Variants in C1orf21 observed in about 807,000 individuals in gnomAD.
C1orf21 encodes the protein uncharacterized protein C1orf21.
In C1orf21, 3 loss-of-function variants were observed where a neutral mutation model predicts 18.7. That is an observed-to-expected ratio of 0.16 (90% CI 0.07 to 0.42). C1orf21 has a LOEUF of 0.42. C1orf21 is among the 10% of genes least tolerant of loss of function. C1orf21 has a pLI of 0.99. For missense variants in C1orf21, 104 were observed against 143.6 expected (o/e 0.72, Z 1.41); for synonymous variants, 41 against 46.4 (o/e 0.88, Z 0.47).
chr1:184,420,360 T>A (rs1443676936), intron 1 of C1orf21, among the ~76,000 whole-genome samples: 2 of 152,170 alleles, frequency 1.3e-5, no homozygotes, highest in East Asian at 3.8e-4. Flanking sequence ...ACGTAAGACA[T>A]GGGATTTCAT....
chr1:184,393,361 C>G (rs539348627), intron 1 of C1orf21, among the ~76,000 whole-genome samples: 1 of 152,262 alleles, frequency 6.6e-6, no homozygotes, highest in East Asian at 1.9e-4. Flanking sequence ...TCCTCCCACC[C>G]ACTTCTCTCC....
rs1659940059 is a variant in C1orf21 at position 184,622,504 on chromosome 1, T to C, written c.*2948T>C. On this transcript the variant is annotated 3_prime_UTR_variant, in exon 6 of 6. Transcript: ENST00000235307. ...GATCATGGAGTACTGCTCTCATAAT[T>C]GAAGACGTGTTTGTTATTGGCAGAG... 1 of 152,736 alleles carries C rather than the reference T, an allele frequency of 6.5e-6. No homozygotes were observed. The highest frequency in any genetic ancestry group is 2.1e-4 in the South Asian group (1 of 4,836). 9.5% of individuals were successfully genotyped at this position (152,736 alleles called of 1,614,324 possible).
At chr1:184,515,341 A>G (rs982792190) in intron 3 of C1orf21, among the ~76,000 whole-genome samples, 4 of 152,192 alleles carry the variant, frequency 2.6e-5, no homozygotes, top group African/African-American at 7.2e-5. Flanking sequence ...AAAGTCCAAT[A>G]TTGACTACTT....
intron 4 of C1orf21, among the ~76,000 whole-genome samples, chr1:184,596,438 C>A (rs1339572): frequency 0.41 from 62,106 of 151,898 alleles, 15,975 homozygotes; most frequent in African/African-American, 0.74. Flanking sequence ...AATGCTAAAA[C>A]CTCCAACCAG....
chr1:184,467,552 T>C (rs181317416), intron 1 of C1orf21, among the ~76,000 whole-genome samples: 1 of 152,324 alleles, frequency 6.6e-6, no homozygotes, highest in Non-Finnish European at 1.5e-5. Flanking sequence ...CATGTACTTC[T>C]GCTGCAGAAC....
intron 3 of C1orf21, among the ~76,000 whole-genome samples, chr1:184,564,382 C>G (rs901788715): frequency 3.3e-5 from 5 of 152,144 alleles, no homozygotes; most frequent in Non-Finnish European, 5.9e-5. Context: ...GATCTCAGCT[C>G]ACTGCAACCT....
chr1:184,400,414 G>A (rs1656131824), intron 1 of C1orf21, among the ~76,000 whole-genome samples: 1 of 152,092 alleles, frequency 6.6e-6, no homozygotes, highest in African/African-American at 2.4e-5. Flanking sequence ...TTGTATGTAT[G>A]TGTAGGTATG....
intron 3 of C1orf21, among the ~76,000 whole-genome samples, chr1:184,582,936 T>C (rs191687149): frequency 6.6e-6 from 1 of 152,184 alleles, no homozygotes; most frequent in Non-Finnish European, 1.5e-5. Flanking sequence ...TCTCCCGGTT[T>C]CAAGAGATTC....
At chr1:184,443,086 A>G (rs922246646) in intron 1 of C1orf21, among the ~76,000 whole-genome samples, 1 of 152,228 alleles carries the variant, frequency 6.6e-6, no homozygotes. Flanking sequence ...CAAAGCAGCT[A>G]AATAAAGAAT....
intron 3 of C1orf21, among the ~76,000 whole-genome samples, chr1:184,549,978 A>G (rs1219837315): frequency 1.3e-5 from 2 of 152,244 alleles, no homozygotes; most frequent in African/African-American, 4.8e-5. Flanking sequence ...ACAATATTCA[A>G]TAAATTACCT....
At chr1:184,409,694 C>T (rs934589875) in intron 1 of C1orf21, among the ~76,000 whole-genome samples, 9 of 152,054 alleles carry the variant, frequency 5.9e-5, no homozygotes, top group South Asian at 4.2e-4. Context: ...TGGACAAATA[C>T]GCACCAAATA....
intron 1 of C1orf21, among the ~76,000 whole-genome samples, chr1:184,392,602 T>A (rs1441416226): frequency 6.6e-6 from 1 of 152,058 alleles, no homozygotes; most frequent in Non-Finnish European, 1.5e-5. Context: ...TTAAAAAAAA[T>A]AATAACTGAA....
intron 5 of C1orf21, among the ~76,000 whole-genome samples, chr1:184,610,415 G>A (rs1659711443): frequency 6.6e-6 from 1 of 152,210 alleles, no homozygotes; most frequent in African/African-American, 2.4e-5. Flanking sequence ...CATCAGTTCA[G>A]TATGGCCAAG....
chr1:184,485,732 A>G (rs1571380658), intron 2 of C1orf21, among the ~76,000 whole-genome samples: 1 of 152,098 alleles, frequency 6.6e-6, no homozygotes, highest in African/African-American at 2.4e-5. Flanking sequence ...GAGCAATGCC[A>G]CCTTGCTCCT....
chr1:184,527,343 A>C (rs1329441764), intron 3 of C1orf21, among the ~76,000 whole-genome samples: 1 of 152,224 alleles, frequency 6.6e-6, no homozygotes, highest in Non-Finnish European at 1.5e-5. Flanking sequence ...TGAAATTCAT[A>C]GTCTGGAAGA....
chr1:184,404,663 A>T (rs186786220), intron 1 of C1orf21, among the ~76,000 whole-genome samples: 3 of 152,360 alleles, frequency 2.0e-5, no homozygotes, highest in Admixed American at 2.0e-4. Context: ...AGGAACAAAC[A>T]TTCAAACCAT....
chr1:184,398,384 C>A (rs563498624), intron 1 of C1orf21, among the ~76,000 whole-genome samples: 1 of 152,086 alleles, frequency 6.6e-6, no homozygotes, highest in Non-Finnish European at 1.5e-5. Context: ...GACTGGAATC[C>A]GAGCGCTCCT....
chr1:184,523,052 G>C (rs148080344), intron 3 of C1orf21, among the ~76,000 whole-genome samples: 1 of 152,316 alleles, frequency 6.6e-6, no homozygotes, highest in East Asian at 1.9e-4. Context: ...TGATGTAAAT[G>C]ATTGAATAAA....
At position 184,400,396 on chromosome 1, in the gene C1orf21, G is replaced by T. The variant is rs941289993; in HGVS notation, c.-125+13028G>T. On this transcript the variant is annotated intron_variant, in intron 1 of 5. Coordinates refer to ENST00000235307, the MANE Select transcript of C1orf21 (RefSeq NM_030806.4). ...TATGTGTCCACTCAGATATATATGT[G>T]TGTGTGTTTGTATGTATGTGTAGGT... Among the ~76,000 whole-genome samples, 6 of 152,162 alleles carry T rather than the reference G, an allele frequency of 3.9e-5. No homozygotes were observed. In the South Asian group the frequency reaches 1.2e-3, roughly 32 times the overall value.
Sources: allele counts gnomAD v4.1 joint callset (sites outside exome capture counted in the v4.1 genomes callset), GRCh38; gene constraint gnomAD v4.1.1; transcripts MANE v1.5; gene names NCBI Gene and HGNC (gene_info 2026-07-23, HGNC 2026-07-21).